Variants in UHRF1 observed in about 807,000 individuals in gnomAD.
UHRF1 encodes the protein E3 ubiquitin-protein ligase UHRF1.
In UHRF1, 9 loss-of-function variants were observed where a neutral mutation model predicts 96.5. That is an observed-to-expected ratio of 0.09 (90% confidence interval 0.06 to 0.16). The LOEUF (loss-of-function observed/expected upper bound fraction) is 0.16, where lower values mean the gene tolerates loss of function less well. Among genes scored for constraint, UHRF1 ranks in the 10% least tolerant of loss-of-function variants. The probability of loss-of-function intolerance (pLI) is 1.00; values close to 1 mark genes in which losing one functional copy is unlikely to be tolerated. For missense variants in UHRF1, 626 were observed against 1,131.1 expected (o/e 0.55, Z 6.40); for synonymous variants, 455 against 469.9 (o/e 0.97, Z 0.41).
At chr19:4,958,113 T>A (rs1036171653) in intron 16 of UHRF1, among the ~76,000 whole-genome samples, 1 of 152,212 alleles carries the variant, frequency 6.6e-6, no homozygotes, top group South Asian at 2.1e-4. Context: ...GTCATGCCCA[T>A]GGCATCTCTG....
chr19:4,904,319 C>T (rs896420976), intron 1 of UHRF1, among the ~76,000 whole-genome samples: 27 of 152,274 alleles, frequency 1.8e-4, no homozygotes, highest in East Asian at 1.5e-3. Context: ...GCTGGGACTA[C>T]AGGCGTCCGC....
chr19:4,906,859 C>G (rs1041933036), upstream of UHRF1, among the ~76,000 whole-genome samples: 1 of 152,230 alleles, frequency 6.6e-6, no homozygotes, highest in Non-Finnish European at 1.5e-5. Flanking sequence ...TAGAAATAGG[C>G]TAGGTTCCTG....
chr19:4,953,823 A>G (rs2033782419), intron 13 of UHRF1, among the ~76,000 whole-genome samples: 1 of 152,152 alleles, frequency 6.6e-6, no homozygotes, highest in South Asian at 2.1e-4. Context: ...AGGCAGGTGG[A>G]TCACTTGAGG....
chr19:4,917,611 G>A (rs1442224795), intron 2 of UHRF1, among the ~76,000 whole-genome samples: 1 of 124,672 alleles, frequency 8.0e-6, no homozygotes, highest in East Asian at 2.8e-4. Context: ...CCGAGATCAC[G>A]CCACTGCACT....
At chr19:4,941,413 G>C in intron 5 of UHRF1, 115 bp from the exon 6 acceptor site, 1 of 733,152 alleles carries the variant, frequency 1.4e-6, no homozygotes, top group Non-Finnish European at 2.4e-6. Flanking sequence ...GATTGCTAGG[G>C]GGCGTAGCTG....
At chr19:4,914,763 C>T (rs2032427197) in intron 2 of UHRF1, among the ~76,000 whole-genome samples, 2 of 151,942 alleles carry the variant, frequency 1.3e-5, no homozygotes, top group South Asian at 4.2e-4. Flanking sequence ...TTTTCAGCAT[C>T]CCTGGCCCGC....
chr19:4,919,248 C>A (rs1292685777), intron 2 of UHRF1, among the ~76,000 whole-genome samples: 1 of 151,790 alleles, frequency 6.6e-6, no homozygotes, highest in African/African-American at 2.4e-5. Context: ...CCCGTCTTGG[C>A]CTCCCAAATC....
At chr19:4,946,943 C>G (rs1312849517) in intron 10 of UHRF1, among the ~76,000 whole-genome samples, 162 bp from the exon 11 acceptor site, 1 of 152,118 alleles carries the variant, frequency 6.6e-6, no homozygotes, top group Non-Finnish European at 1.5e-5. Context: ...TGTAGTCCCA[C>G]CAACAGTTTA....
chr19:4,953,038 C>T (rs2033760048), intron 13 of UHRF1, among the ~76,000 whole-genome samples: 1 of 152,164 alleles, frequency 6.6e-6, no homozygotes, highest in Non-Finnish European at 1.5e-5. Flanking sequence ...ATCGTAAAGA[C>T]AACGAGATCT....
intron 16 of UHRF1, 50 bp downstream of exon 16, chr19:4,956,863 C>A: frequency 7.6e-7 from 1 of 1,322,044 alleles, no homozygotes; most frequent in Non-Finnish European, 1.1e-6. Context: ...GGAAGGATGA[C>A]CTGACCTCCC....
At chr19:4,921,778 A>G (rs1185567093) in intron 2 of UHRF1, among the ~76,000 whole-genome samples, 1 of 152,150 alleles carries the variant, frequency 6.6e-6, no homozygotes, top group African/African-American at 2.4e-5. Context: ...AAGAAAATTG[A>G]TAAAGATGTA....
At chr19:4,907,939 T>C (rs2032102762), upstream of UHRF1, among the ~76,000 whole-genome samples, 1 of 151,934 alleles carries the variant, frequency 6.6e-6, no homozygotes. Context: ...CTCGAACTCC[T>C]GACCTCAGGT....
At chr19:4,919,279 G>A (rs2032625185) in intron 2 of UHRF1, among the ~76,000 whole-genome samples, 1 of 151,572 alleles carries the variant, frequency 6.6e-6, no homozygotes, top group African/African-American at 2.4e-5. Context: ...TTACAGGCAT[G>A]AGCCACTGCA....
chr19:4,955,672 G>C (rs892707427), intron 15 of UHRF1, among the ~76,000 whole-genome samples: 3 of 152,208 alleles, frequency 2.0e-5, no homozygotes, highest in Non-Finnish European at 4.4e-5. Flanking sequence ...CTTGCCCCTA[G>C]ACCTTCACTT....
intron 1 of UHRF1, 88 bp from the exon 2 acceptor site, chr19:4,910,788 G>T: frequency 6.8e-7 from 1 of 1,464,786 alleles, no homozygotes; most frequent in Admixed American, 2.2e-5. Context: ...CCACAGGCCG[G>T]ACAAAAGCAA....
intron 1 of UHRF1, 126 bp downstream of exon 1, chr19:4,909,781 G>A: frequency 4.3e-6 from 2 of 459,954 alleles, no homozygotes; most frequent in Non-Finnish European, 7.6e-6. Context: ...CCGGGATCCA[G>A]GGCCTCCCCT....
In UHRF1 at chr19:4,929,199, G is replaced by A. The variant is rs761340306; in HGVS notation, c.154-23G>A. ...ACTTGGCATTTGGTGGCTAAACAGC[G>A]TCTGCCTCTGGTGTCCCTGCAGATG... On this transcript the variant is annotated intron_variant, in intron 2 of 16. Coordinates refer to ENST00000650932, the MANE Select transcript of UHRF1 (RefSeq NM_001048201.3). The A allele has an allele frequency of 1.2e-4, 185 of 1,599,688 alleles. 1 individual carries two copies. In the South Asian group the frequency reaches 1.5e-3, roughly 13 times the overall value.
chr19:4,937,659 C>T (rs147627614), intron 5 of UHRF1, among the ~76,000 whole-genome samples: 4 of 152,230 alleles, frequency 2.6e-5, no homozygotes, highest in East Asian at 3.9e-4. Flanking sequence ...CCACTTCGCC[C>T]GGCCAGTTTA....
At chr19:4,951,345 A>G (rs1263106049) in intron 13 of UHRF1, among the ~76,000 whole-genome samples, 1 of 152,114 alleles carries the variant, frequency 6.6e-6, no homozygotes, top group Non-Finnish European at 1.5e-5. Flanking sequence ...GGAGGCTGTC[A>G]TCCTTGAAGG....
Sources: allele counts gnomAD v4.1 joint callset (sites outside exome capture counted in the v4.1 genomes callset), GRCh38; gene constraint gnomAD v4.1.1; transcripts MANE v1.5; gene names NCBI Gene and HGNC (gene_info 2026-07-23, HGNC 2026-07-21).